Variants in PPP2R2A observed in about 807,000 individuals in gnomAD.
The protein encoded by PPP2R2A is protein phosphatase 2 regulatory subunit Balpha.
A neutral mutation model predicts 53.2 loss-of-function variants in PPP2R2A; 9 were observed. The ratio of observed to expected loss-of-function variants is 0.17; its 90% CI spans 0.10 to 0.30. The LOEUF (loss-of-function observed/expected upper bound fraction) is 0.30. PPP2R2A is among the 10% of genes least tolerant of loss of function. The pLI is 1.00. For synonymous variants in PPP2R2A, 169 were observed against 174.2 expected (o/e 0.97, Z 0.23); for missense variants, 235 against 534.6 (o/e 0.44, Z 5.53).
chr8:26,314,284 T>C (rs1038815282), intron 2 of PPP2R2A, among the ~76,000 whole-genome samples: 2 of 152,208 alleles, frequency 1.3e-5, no homozygotes, highest in Non-Finnish European at 2.9e-5. Context: ...GTATCAGTTT[T>C]ACTTTTGCCT....
At chr8:26,293,129 CTCTG>C (rs1801381535) in intron 1 of PPP2R2A, 1 of 1,082,578 alleles carries the variant, frequency 9.2e-7, no homozygotes, top group Non-Finnish European at 1.3e-6. Flanking sequence ...TTCTTTTCCT[CTCTG>C]TCTGGAGCCA....
At chr8:26,293,802 A>G in intron 2 of PPP2R2A, 62 bp downstream of exon 2, 1 of 1,474,746 alleles carries the variant, frequency 6.8e-7, no homozygotes, top group Non-Finnish European at 9.5e-7. Context: ...TTCCTACTGG[A>G]GGATTTCCTT....
chr8:26,330,372 C>A (rs1193777148), intron 2 of PPP2R2A, among the ~76,000 whole-genome samples: 1 of 150,032 alleles, frequency 6.7e-6, no homozygotes, highest in Non-Finnish European at 1.5e-5. Flanking sequence ...TGCAATGGCA[C>A]CATCTTGGCT....
chr8:26,329,689 A>G (rs1803272034), intron 2 of PPP2R2A, among the ~76,000 whole-genome samples: 1 of 152,194 alleles, frequency 6.6e-6, no homozygotes, highest in Middle Eastern at 3.2e-3. Context: ...AATGTTCGTG[A>G]TGCTGGAAAA....
intron 4 of PPP2R2A, among the ~76,000 whole-genome samples, chr8:26,357,285 C>CG (rs910566550): frequency 4.2e-5 from 2 of 47,732 alleles, no homozygotes; most frequent in African/African-American, 1.9e-4. Flanking sequence ...ATAGTAACAC[C>CG]CCCCCCCCCC....
rs1801403671 is a variant in PPP2R2A at position 26,293,526 on chromosome 8, A to G, written c.8-140A>G. The G allele has an allele frequency of 3.7e-6, 3 of 808,556 alleles. No individual in the cohort carries two copies. In the Admixed American group the frequency reaches 9.2e-5, roughly 25 times the overall value. 50.1% of individuals were successfully genotyped at this position (808,556 alleles called of 1,614,324 possible). ...AGTATTGGGGACTAACCTCTTTCCA[A>G]ACTGGTGCTCTTGGTGGTAGTTGTA... is the stretch of plus-strand genomic sequence containing the variant. On this transcript the variant is annotated intron_variant, in intron 1 of 9. Transcript: ENST00000380737.
At chr8:26,307,127 ACC>A (rs1802060589) in intron 2 of PPP2R2A, among the ~76,000 whole-genome samples, 1 of 152,206 alleles carries the variant, frequency 6.6e-6, no homozygotes, top group Non-Finnish European at 1.5e-5. Context: ...TTTTCTTTTA[ACC>A]AGTAGATTAA....
chr8:26,324,020 G>A (rs910930916), intron 2 of PPP2R2A, among the ~76,000 whole-genome samples: 2 of 152,150 alleles, frequency 1.3e-5, no homozygotes, highest in African/African-American at 4.8e-5. Context: ...CCCTTTTACC[G>A]TGGCCTACAA....
chr8:26,291,838 AT>A lies in PPP2R2A; in HGVS notation c.7+13del, dbSNP rs760253046. 6.2e-7 allele frequency: 1 copy of A among 1,608,224 alleles called. No homozygotes were observed. The highest frequency in any genetic ancestry group is 2.3e-5 in the East Asian group (1 of 44,136). ...GCGCAACATGGCAGGTAAAGGAGAA[AT>A]CCCCCTCGCCCCCTGACAAGGCACC... On this transcript the variant is annotated intron_variant, in intron 1 of 9. Transcript: ENST00000380737.
At chr8:26,298,220 C>T (rs1453345651) in intron 2 of PPP2R2A, among the ~76,000 whole-genome samples, 2 of 151,714 alleles carry the variant, frequency 1.3e-5, no homozygotes, top group Non-Finnish European at 2.9e-5. Flanking sequence ...TTACATTTTA[C>T]AGTAAGAAGT....
At chr8:26,343,071 G>A (rs900520264) in intron 3 of PPP2R2A, among the ~76,000 whole-genome samples, 6 of 151,976 alleles carry the variant, frequency 3.9e-5, no homozygotes, top group African/African-American at 1.4e-4. Context: ...CCAGCTATGT[G>A]ACTGAAATAT....
At chr8:26,364,376 T>C (rs1805261860) in intron 8 of PPP2R2A, among the ~76,000 whole-genome samples, 1 of 152,228 alleles carries the variant, frequency 6.6e-6, no homozygotes, top group South Asian at 2.1e-4. Context: ...CTTGAAAGCC[T>C]TAGCAGATGG....
intron 2 of PPP2R2A, among the ~76,000 whole-genome samples, chr8:26,337,409 C>G (rs987698324): frequency 3.3e-5 from 5 of 152,136 alleles, no homozygotes; most frequent in African/African-American, 9.7e-5. Flanking sequence ...TAGAGCCTAA[C>G]CCTCAGATTT....
chr8:26,333,635 A>T lies in PPP2R2A; in HGVS notation c.83-5255A>T, dbSNP rs1040099501. On this transcript the variant is annotated intron_variant, in intron 2 of 9. Coordinates refer to ENST00000380737, the MANE Select transcript of PPP2R2A (RefSeq NM_002717.4). The stretch of plus-strand genomic sequence containing the variant: ...TTAATGGATAGTAATTATTTGTTAC[A>T]CCCATTTATATATACTATTTGTGAA... 14 of 752,696 alleles carry T rather than the reference A, an allele frequency of 1.9e-5. 1 individual carries two copies. The highest frequency in any genetic ancestry group is 8.4e-4 in the Middle Eastern group (2 of 2,378). 46.6% of individuals were successfully genotyped at this position (752,696 alleles called of 1,614,324 possible).
intron 3 of PPP2R2A, among the ~76,000 whole-genome samples, chr8:26,353,179 G>T (rs1409441345): frequency 6.6e-6 from 1 of 152,154 alleles, no homozygotes; most frequent in Non-Finnish European, 1.5e-5. Context: ...GTCTAATTTT[G>T]TGTATGGGTA....
At chr8:26,331,558 A>G (rs58318826) in intron 2 of PPP2R2A, among the ~76,000 whole-genome samples, 2,936 of 152,262 alleles carry the variant, frequency 0.019, 82 homozygotes, top group African/African-American at 0.068. Context: ...AGTAGAGGAG[A>G]CTGATTACCT....
chr8:26,303,909 C>T (rs937622324), intron 2 of PPP2R2A, among the ~76,000 whole-genome samples: 4 of 152,318 alleles, frequency 2.6e-5, no homozygotes, highest in East Asian at 1.9e-4. Context: ...CCGGGAGTTA[C>T]GCTCTTGTAG....
At position 26,321,401 on chromosome 8, in the gene PPP2R2A, A is replaced by T. The variant is rs1490493954; in HGVS notation, c.83-17489A>T. ...GCAGCCGCTTAAGGTGGCCCCAGTG[A>T]TCCCTGGCTTCTGGTATTTATGTCT... is the stretch of plus-strand genomic sequence containing the variant. On this transcript the variant is annotated intron_variant, in intron 2 of 9. Coordinates refer to ENST00000380737, the MANE Select transcript of PPP2R2A (RefSeq NM_002717.4). This position sits in a 1 kb window ranked among gnomAD's most constrained non-coding sequence, Gnocchi z 4.1. 1.3e-5 allele frequency among the ~76,000 whole-genome samples: 2 copies of T among 152,158 alleles called. No individual in the cohort carries two copies. The highest frequency in any genetic ancestry group is 6.5e-5 in the Admixed American group (1 of 15,278).
intron 4 of PPP2R2A, among the ~76,000 whole-genome samples, chr8:26,359,759 TAGGC>T (rs1301757114): frequency 1.3e-5 from 2 of 152,220 alleles, no homozygotes; most frequent in Admixed American, 1.3e-4. Context: ...TTCTACATAA[TAGGC>T]AGTCTTAATC....
Sources: allele counts gnomAD v4.1 joint callset (sites outside exome capture counted in the v4.1 genomes callset), GRCh38; gene constraint gnomAD v4.1.1; non-coding constraint Gnocchi (gnomAD v3.1); transcripts MANE v1.5; gene names NCBI Gene and HGNC (gene_info 2026-07-23, HGNC 2026-07-21).